The following AMZ1 variants were observed in gnomAD, a reference collection of about 807,000 sequenced individuals.
AMZ1 encodes the protein archaemetzincin-1.
AMZ1 carries 39 observed loss-of-function variants against 29.9 expected under a neutral mutation model. That is an observed-to-expected ratio of 1.30 (90% CI 1.01 to 1.70). The LOEUF (loss-of-function observed/expected upper bound fraction) is 1.70. AMZ1 is among the 40% of genes most tolerant of loss of function. The probability of loss-of-function intolerance (pLI) is 0.00; values close to 1 mark genes in which losing one functional copy is unlikely to be tolerated. For synonymous variants in AMZ1, 458 were observed against 304.0 expected (o/e 1.51, Z -5.27); for missense variants, 1,041 against 680.6 (o/e 1.53, Z -5.89).
At chr7:2,693,316 G>T (rs900866470) in intron 1 of AMZ1, among the ~76,000 whole-genome samples, 1 of 152,084 alleles carries the variant, frequency 6.6e-6, no homozygotes, top group African/African-American at 2.4e-5. Flanking sequence ...TTGAACTCCT[G>T]ACCTCAGGTG....
rs1227486925 is a variant in AMZ1 at position 2,714,882 on chromosome 7, G to A, written c.*2004G>A. On this transcript the variant is annotated 3_prime_UTR_variant, in exon 7 of 7. Transcript: ENST00000683327. ...AGCCAGAGCCAGACAGCAGGCTCCT[G>A]GTCCCAGTCCCGGAAAATGCAAAGG... The A allele has an allele frequency of 6.6e-6, 1 of 152,336 alleles. No individual in the cohort carries two copies. Among genetic ancestry groups the A allele is most frequent in the Non-Finnish European group, 1.5e-5 (1 of 68,048 alleles). The allele number at this position is 152,336 out of a possible 1,614,324, so 9.4% of individuals were successfully genotyped here. A position where few individuals can be genotyped will look rare whatever the true frequency, so the allele number is the denominator to read the frequency against.
intron 1 of AMZ1, among the ~76,000 whole-genome samples, chr7:2,680,296 G>A (rs1189375035): frequency 2.6e-5 from 4 of 152,116 alleles, no homozygotes; most frequent in East Asian, 1.9e-4. Context: ...ACAGGCACTC[G>A]GCTCTCTGGG....
chr7:2,704,356 G>C (rs1034802758), intron 3 of AMZ1, among the ~76,000 whole-genome samples: 1 of 152,098 alleles, frequency 6.6e-6, no homozygotes, highest in Non-Finnish European at 1.5e-5. Context: ...TATAAAAATA[G>C]CTGGCAGTGG....
At chr7:2,698,278 C>T (rs1013553711) in intron 1 of AMZ1, among the ~76,000 whole-genome samples, 3 of 152,224 alleles carry the variant, frequency 2.0e-5, no homozygotes, top group Non-Finnish European at 4.4e-5. Flanking sequence ...TGGCTCATGC[C>T]TGTAATCCCA....
At position 2,706,940 on chromosome 7, in the gene AMZ1, T is replaced by C. The variant is rs940029858; in HGVS notation, c.473-1648T>C. On this transcript the variant is annotated intron_variant, in intron 3 of 6. Coordinates refer to ENST00000683327, the MANE Select transcript of AMZ1 (RefSeq NM_001384743.1). ...GTGGAGACTGCAGCGTGAGCTGTGA[T>C]TGTACTCCAGCCTGGGTGACAGAAT... 3.3e-5 allele frequency among the ~76,000 whole-genome samples: 5 copies of C among 151,976 alleles called. No homozygotes were observed. The South Asian group carries it at 8.3e-4, about 25-fold the overall frequency.
At chr7:2,690,400 T>C (rs1267929736) in intron 1 of AMZ1, among the ~76,000 whole-genome samples, 9 of 152,308 alleles carry the variant, frequency 5.9e-5, no homozygotes, top group African/African-American at 2.2e-4. Flanking sequence ...TAAAATGTTT[T>C]GTAGAGACGG....
upstream of AMZ1, among the ~76,000 whole-genome samples, chr7:2,684,632 C>T (rs556812657): frequency 1.2e-4 from 19 of 152,280 alleles, 1 homozygote; most frequent in South Asian, 1.2e-3. Context: ...TGCAGTCTGC[C>T]GGTGGGAGAC....
rs1328252664 is a variant in AMZ1 at position 2,731,607 on chromosome 7, C to A, written n.550+21791C>A. 1.2e-6 allele frequency: 2 copies of A among 1,614,008 alleles called. No individual in the cohort carries two copies. The highest frequency in any genetic ancestry group is 1.7e-6 in the Non-Finnish European group (2 of 1,179,966). ...GGATGGACGTGATCCCGTCGAAGCA[C>A]TGGAACCACTTCTGGCGCTGGGACC... On this transcript the variant is annotated intron_variant and non_coding_transcript_variant, in intron 4 of 4. Transcript: ENST00000489665. This position sits in a 1 kb window ranked among gnomAD's most constrained non-coding sequence, Gnocchi z 6.0.
At chr7:2,702,475 CAT>C (rs1303778743) in intron 2 of AMZ1, 7 of 533,180 alleles carry the variant, frequency 1.3e-5, no homozygotes, top group Non-Finnish European at 2.3e-5. Flanking sequence ...TCCCTGAGCT[CAT>C]ATGCGATTGT....
chr7:2,694,092 A>G (rs1373014676), intron 1 of AMZ1, among the ~76,000 whole-genome samples: 1 of 152,182 alleles, frequency 6.6e-6, no homozygotes, highest in Non-Finnish European at 1.5e-5. Context: ...GCCTGATGCA[A>G]CACCGTTCCT....
Position 2,709,660 on chromosome 7 carries a change from C to T in AMZ1, c.792C>T (p.Cys264=), listed in dbSNP as rs1241621086. 1.2e-6 allele frequency: 2 copies of T among 1,609,910 alleles called. No homozygotes were observed. Among genetic ancestry groups the T allele is most frequent in the South Asian group, 1.1e-5 (1 of 90,942 alleles). ...QCCKVTCHEL[C]HLLGLGNCRW... is the part of the protein sequence containing the mutation. The stretch of plus-strand genomic sequence containing the variant: ...CCCAGGTCACGTGCCACGAGCTCTG[C>T]CACCTTCTGGGCCTGGGGAACTGCC... Residue 264 remains cysteine (C), a synonymous_variant, in exon 6 of 7, where the codon TGC becomes TGT. Transcript: ENST00000683327.
In AMZ1 at chr7:2,718,258, CTG is replaced by C. The variant is rs896090564; in HGVS notation, c.*5383_*5384del. On this transcript the variant is annotated 3_prime_UTR_variant, in exon 7 of 7. Coordinates refer to ENST00000683327, the MANE Select transcript of AMZ1 (RefSeq NM_001384743.1). ...ATGCCGAGAGCTCTGGCTCTCCTGA[CTG>C]TGGGCCCAGTGTCCATTTTCTCTCT... is the stretch of plus-strand genomic sequence containing the variant. Among the ~76,000 whole-genome samples the C allele has an allele frequency of 1.1e-4, 17 of 152,252 alleles. No homozygotes were observed. The highest frequency in any genetic ancestry group is 7.2e-4 in the Admixed American group (11 of 15,294).
intron 1 of AMZ1, among the ~76,000 whole-genome samples, chr7:2,680,709 C>G (rs536495919): frequency 6.6e-6 from 1 of 152,248 alleles, no homozygotes; most frequent in Admixed American, 6.5e-5. Context: ...TCAGCCTCCT[C>G]GTGCTGGCCA....
chr7:2,720,774 C>G (rs887711760), downstream of AMZ1, among the ~76,000 whole-genome samples: 1 of 152,082 alleles, frequency 6.6e-6, no homozygotes, highest in Non-Finnish European at 1.5e-5. Flanking sequence ...TGCCTGGGCT[C>G]AAGCGACTCT....
chr7:2,762,609 C>T, upstream of AMZ1: 1 of 1,533,010 alleles, frequency 6.5e-7, no homozygotes, highest in South Asian at 1.3e-5. Context: ...AGGACAATCC[C>T]CTTCCGGATA....
chr7:2,760,938 T>G (rs1791524841), upstream of AMZ1, among the ~76,000 whole-genome samples: 1 of 152,186 alleles, frequency 6.6e-6, no homozygotes, highest in Non-Finnish European at 1.5e-5. Context: ...CCTTCCCCAC[T>G]CCAGCTCCCC....
At chr7:2,690,898 T>C (rs968903555) in intron 1 of AMZ1, among the ~76,000 whole-genome samples, 5 of 151,850 alleles carry the variant, frequency 3.3e-5, no homozygotes, top group African/African-American at 1.2e-4. Flanking sequence ...CCCAGTGCTT[T>C]GGGAGGCCGA....
At chr7:2,703,008 C>A in intron 3 of AMZ1, 119 bp downstream of exon 3, 2 of 1,345,716 alleles carry the variant, frequency 1.5e-6, no homozygotes, top group South Asian at 1.4e-5. Flanking sequence ...TGGGAAACAT[C>A]CATTTCCCAG....
In AMZ1 at chr7:2,718,132, C is replaced by T. The variant is rs150005717; in HGVS notation, c.*5254C>T. 3.3e-4 allele frequency among the ~76,000 whole-genome samples: 51 copies of T among 152,324 alleles called. No individual in the cohort carries two copies. The highest frequency in any genetic ancestry group is 1.0e-3 in the African/African-American group (43 of 41,562). On this transcript the variant is annotated 3_prime_UTR_variant, in exon 7 of 7. Coordinates refer to ENST00000683327, the MANE Select transcript of AMZ1 (RefSeq NM_001384743.1). ...CTACCAGATTCCACCACTGAGGCCT[C>T]CCTCGATGCCTGCTCCCTGGGCTTT...
Sources: gnomAD v4.1 joint callset for allele counts (sites outside exome capture counted in the v4.1 genomes callset) on GRCh38, gnomAD v4.1.1 for gene constraint, Gnocchi (gnomAD v3.1) non-coding constraint, MANE v1.5 for transcripts, NCBI Gene and HGNC (gene_info 2026-07-23, HGNC 2026-07-21) for gene names.